Variants in TM9SF2 observed in about 807,000 individuals in gnomAD.
TM9SF2 encodes 76 kDa membrane protein.
TM9SF2 carries 13 observed loss-of-function variants against 84.9 expected under a neutral mutation model. That is an observed-to-expected ratio of 0.15 (90% CI 0.10 to 0.24). TM9SF2 has a LOEUF of 0.24. TM9SF2 is among the 10% of genes least tolerant of loss of function. The pLI is 1.00. For synonymous variants in TM9SF2, 273 were observed against 285.8 expected (o/e 0.96, Z 0.45); for missense variants, 562 against 818.5 (o/e 0.69, Z 3.82).
intron 10 of TM9SF2, among the ~76,000 whole-genome samples, chr13:99,546,648 C>A (rs1168969834): frequency 6.6e-6 from 1 of 151,520 alleles, no homozygotes; most frequent in African/African-American, 2.4e-5. Context: ...GAAACATTTT[C>A]ACTTATGTCA....
chr13:99,561,051 A>T (rs8001183), intron 16 of TM9SF2, among the ~76,000 whole-genome samples: 3,764 of 152,312 alleles, frequency 0.025, 157 homozygotes, highest in African/African-American at 0.086. Flanking sequence ...TTATGGAGTC[A>T]TATCAAATGG....
intron 1 of TM9SF2, among the ~76,000 whole-genome samples, chr13:99,504,136 G>A (rs1380737432): frequency 6.6e-6 from 1 of 152,156 alleles, no homozygotes; most frequent in East Asian, 1.9e-4. Context: ...ACAGTAAACA[G>A]TTGAAATTTG....
At position 99,541,574 on chromosome 13, in the gene TM9SF2, G is replaced by C. The variant is rs1462385968; in HGVS notation, c.924G>C (p.Leu308=). The change falls in exon 9 of 17, where the codon CTG becomes CTC. Residue 308 remains leucine, a synonymous_variant. Transcript: ENST00000376387. The part of the protein sequence containing the change: ...HIQWFSIMNS[L]VIVLFLSGMV... ...ATTTCTACAGCATTATGAATTCCCT[G>C]GTCATTGTTCTCTTCTTATCTGGAA... is the stretch of plus-strand genomic sequence containing the variant. The C allele has an allele frequency of 3.1e-6, 5 of 1,611,532 alleles. No individual in the cohort carries two copies. The highest frequency in any genetic ancestry group is 1.1e-5 in the South Asian group (1 of 90,842).
rs2046236766 is a variant in TM9SF2 at position 99,536,871 on chromosome 13, A to C, written c.591+134A>C. On this transcript the variant is annotated intron_variant, in intron 5 of 16. Coordinates refer to ENST00000376387, the MANE Select transcript of TM9SF2 (RefSeq NM_004800.3). Reference sequence around the variant, plus strand: ...GATGTTCTGAAGTACAACTACTTCAATCTTAAACTTACAGCAGATTAATAA... The same window carrying C: ...GATGTTCTGAAGTACAACTACTTCACTCTTAAACTTACAGCAGATTAATAA... 6.5e-6 allele frequency: 6 copies of C among 920,804 alleles called. No homozygotes were observed. In the Admixed American group the frequency reaches 1.8e-4, roughly 28 times the overall value. The allele number at this position is 920,804 out of a possible 1,614,324, so 57.0% of individuals were successfully genotyped here. A position where few individuals can be genotyped will look rare whatever the true frequency, so the allele number is the denominator to read the frequency against.
intron 8 of TM9SF2, 149 bp from the exon 9 acceptor site, chr13:99,541,410 C>T (rs982814691): frequency 7.6e-5 from 42 of 554,208 alleles, no homozygotes; most frequent in African/African-American, 4.3e-4. Flanking sequence ...TGAAAGAACA[C>T]AGTTCATTGA....
At chr13:99,533,790 C>T (rs1284274365) in intron 4 of TM9SF2, among the ~76,000 whole-genome samples, 1 of 152,148 alleles carries the variant, frequency 6.6e-6, no homozygotes, top group African/African-American at 2.4e-5. Flanking sequence ...TCCACCTCCG[C>T]CTCCTGAGTA....
intron 3 of TM9SF2, among the ~76,000 whole-genome samples, chr13:99,524,526 T>C (rs1227774992): frequency 6.6e-6 from 1 of 151,988 alleles, no homozygotes; most frequent in East Asian, 1.9e-4. Context: ...GCCAAATATA[T>C]GCTTTTGGAG....
intron 1 of TM9SF2, 50 bp downstream of exon 1, chr13:99,501,827 G>A: frequency 1.3e-6 from 2 of 1,563,108 alleles, no homozygotes; most frequent in Non-Finnish European, 8.6e-7. Flanking sequence ...AGGGGAAGTC[G>A]TCCCTATCCG....
chr13:99,515,985 G>C (rs1306658679), intron 1 of TM9SF2, among the ~76,000 whole-genome samples: 1 of 152,128 alleles, frequency 6.6e-6, no homozygotes, highest in African/African-American at 2.4e-5. Context: ...GCCCGCCTTG[G>C]CCTCCCAAAG....
At chr13:99,554,562 CT>C (rs2139110709) in intron 14 of TM9SF2, 107 bp downstream of exon 14, 1 of 1,195,414 alleles carries the variant, frequency 8.4e-7, no homozygotes, top group South Asian at 1.8e-5. Flanking sequence ...GTAAGCAGTT[CT>C]TCAGTAACCA....
chr13:99,524,841 G>A (rs2046175206), intron 3 of TM9SF2, among the ~76,000 whole-genome samples: 3 of 151,886 alleles, frequency 2.0e-5, no homozygotes, highest in Admixed American at 2.0e-4. Context: ...TGGAATTACA[G>A]GCGTGAGGCT....
chr13:99,531,093 T>C (rs1219152498), intron 4 of TM9SF2, among the ~76,000 whole-genome samples: 1 of 152,104 alleles, frequency 6.6e-6, no homozygotes, highest in Non-Finnish European at 1.5e-5. Context: ...ACTCCTGACC[T>C]TAAGAGATCC....
At chr13:99,520,686 A>G (rs2046155687) in intron 3 of TM9SF2, among the ~76,000 whole-genome samples, 1 of 152,088 alleles carries the variant, frequency 6.6e-6, no homozygotes, top group African/African-American at 2.4e-5. Flanking sequence ...CTCGTGCCTC[A>G]GCTTCCCGAG....
intron 1 of TM9SF2, among the ~76,000 whole-genome samples, chr13:99,510,695 C>G (rs1406569687): frequency 6.6e-6 from 1 of 152,208 alleles, no homozygotes; most frequent in Non-Finnish European, 1.5e-5. Context: ...ATTAGAAATT[C>G]ACCCTCATGA....
chr13:99,524,188 C>G (rs551659500), intron 3 of TM9SF2, among the ~76,000 whole-genome samples: 1 of 152,152 alleles, frequency 6.6e-6, no homozygotes, highest in Non-Finnish European at 1.5e-5. Context: ...TTACCAGGGT[C>G]ACCCTGGCTG....
At chr13:99,547,918 T>C (rs4771335) in intron 11 of TM9SF2, among the ~76,000 whole-genome samples, 60,038 of 152,116 alleles carry the variant, frequency 0.39, 14,355 homozygotes, top group Non-Finnish European at 0.54. Flanking sequence ...AAAGATTAAC[T>C]TAGACCTTGT....
intron 3 of TM9SF2, among the ~76,000 whole-genome samples, chr13:99,520,398 C>G (rs111395586): frequency 6.6e-6 from 1 of 152,142 alleles, no homozygotes; most frequent in Non-Finnish European, 1.5e-5. Flanking sequence ...TGCTCTGCCT[C>G]CTTTACAGAG....
At chr13:99,539,182 C>T (rs1389965456) in intron 6 of TM9SF2, among the ~76,000 whole-genome samples, 4 of 149,612 alleles carry the variant, frequency 2.7e-5, no homozygotes, top group African/African-American at 9.9e-5. Flanking sequence ...CGCACTCAGG[C>T]CTGGGTAAGA....
At chr13:99,525,771 G>A (rs1224203883) in intron 3 of TM9SF2, among the ~76,000 whole-genome samples, 1 of 151,660 alleles carries the variant, frequency 6.6e-6, no homozygotes. Flanking sequence ...TAGCCAGGAT[G>A]ATCTCGATCT....
Sources: allele counts gnomAD v4.1 joint callset (sites outside exome capture counted in the v4.1 genomes callset), GRCh38; gene constraint gnomAD v4.1.1; transcripts MANE v1.5; gene names NCBI Gene and HGNC (gene_info 2026-07-23, HGNC 2026-07-21).